Variants in DDIAS observed in about 807,000 individuals in gnomAD.
The protein encoded by DDIAS is DNA damage induced apoptosis suppressor, also known as DNA damage-induced apoptosis suppressor protein.
A neutral mutation model predicts 15.7 loss-of-function variants in DDIAS; 14 were observed. The observed-to-expected ratio is 0.89, with a 90% CI of 0.59 to 1.39. The LOEUF is 1.39. DDIAS is among the 40% of genes most tolerant of loss of function. DDIAS has a pLI of 0.00. For missense variants in DDIAS, 1,035 were observed against 1,130.9 expected, an observed-to-expected ratio of 0.92 and a Z score of 1.22; for synonymous variants, 355 against 395.9, an observed-to-expected ratio of 0.90 and a Z score of 1.23.
chr11:82,932,587 C>G lies in DDIAS; in HGVS notation c.1249C>G (p.Pro417Ala). 1 of 1,614,098 alleles carries G rather than the reference C, an allele frequency of 6.2e-7. No homozygotes were observed. Among genetic ancestry groups the G allele is most frequent in the Non-Finnish European group, 8.5e-7 (1 of 1,180,008 alleles). Residue 417 changes from proline (P) to alanine (A), a missense_variant, in exon 6 of 6, where the codon CCA becomes GCA. Transcript: ENST00000533655. ...TGACCCTCAAATTTGGGATGATCTG[C>G]CATTCTCTGAAAGCCTGAACAAGTT... Reference protein sequence around the residue: ...DGDPQIWDDLPFSESLNKFLA... With the variant: ...DGDPQIWDDLAFSESLNKFLA...
Position 82,933,136 on chromosome 11 carries a change from TATA to T in DDIAS, c.1801_1803del (p.Asn601del). 1 of 1,608,466 alleles carries T rather than the reference TATA, an allele frequency of 6.2e-7. No homozygotes were observed. The highest frequency in any genetic ancestry group is 2.2e-5 in the East Asian group (1 of 44,844). The stretch of plus-strand genomic sequence containing the variant: ...GTTGACAACTCTGTGTTATAGGAAG[TATA>T]ATGATGTCTCTGATCTTTGCAAATT... On this transcript the variant is annotated inframe_deletion, in exon 6 of 6. Coordinates refer to ENST00000533655, the MANE Select transcript of DDIAS (RefSeq NM_145018.4).
Position 82,931,656 on chromosome 11 carries a change from G to C in DDIAS, c.394-76G>C, listed in dbSNP as rs1860988376. 5.1e-6 allele frequency: 7 copies of C among 1,367,632 alleles called. 1 individual carries two copies. The African/African-American group carries it at 7.3e-5, about 14-fold the overall frequency. The allele number at this position is 1,367,632 out of a possible 1,614,324, so 84.7% of individuals were successfully genotyped here. The stretch of plus-strand genomic sequence containing the variant: ...TTACAGGCATGAGCCACTGTGCCTG[G>C]CTAAATTTCTGTTTCATGTTTAAGT... On this transcript the variant is annotated intron_variant, in intron 5 of 5. Transcript: ENST00000533655.
chr11:82,930,887 A>T (rs1216854692), intron 5 of DDIAS, among the ~76,000 whole-genome samples: 1 of 152,204 alleles, frequency 6.6e-6, no homozygotes. Context: ...AGAGTGAGAA[A>T]AATCCAAAGG....
intron 3 of DDIAS, among the ~76,000 whole-genome samples, chr11:82,917,803 C>T (rs1860660816): frequency 6.6e-6 from 1 of 152,204 alleles, no homozygotes; most frequent in Non-Finnish European, 1.5e-5. Context: ...TCCACACCAA[C>T]ATCTACTGGT....
chr11:82,930,676 G>A (rs1038924898), intron 5 of DDIAS, among the ~76,000 whole-genome samples: 1 of 151,770 alleles, frequency 6.6e-6, no homozygotes, highest in South Asian at 2.1e-4. Flanking sequence ...AGTATCTTGA[G>A]TATTGATAAG....
Position 82,934,566 on chromosome 11 carries a change from G to A in DDIAS, c.*231G>A, listed in dbSNP as rs2121380070. 2.6e-6 allele frequency: 1 copy of A among 390,920 alleles called. No homozygotes were observed. The highest frequency in any genetic ancestry group is 2.1e-5 in the African/African-American group (1 of 48,498). The allele number at this position is 390,920 out of a possible 1,614,324, so 24.2% of individuals were successfully genotyped here. A position where few individuals can be genotyped will look rare whatever the true frequency, so the allele number is the denominator to read the frequency against. On this transcript the variant is annotated 3_prime_UTR_variant, in exon 6 of 6. Transcript: ENST00000533655. ...AGCACTTTATCTTATACTGTTTATT[G>A]TACTTTAATAATATTGTTAAGATTG...
chr11:82,914,593 C>A, intron 2 of DDIAS, 130 bp from the exon 3 acceptor site: 2 of 517,762 alleles, frequency 3.9e-6, no homozygotes, highest in Non-Finnish European at 3.4e-6. Flanking sequence ...TTGATACCAC[C>A]TTCACTTTGA....
Position 82,932,061 on chromosome 11 carries a change from A to G in DDIAS, c.723A>G (p.Pro241=). 1.9e-6 allele frequency: 3 copies of G among 1,614,130 alleles called. No individual in the cohort carries two copies. The highest frequency in any genetic ancestry group is 1.7e-6 in the Non-Finnish European group (2 of 1,180,004). Residue 241 remains proline, a synonymous_variant, in exon 6 of 6, where the codon CCA becomes CCG. Transcript: ENST00000533655. ...SKDTFSKFWQ[P]SLEFTCIVSQ... ...ATACTTTTTCAAAATTCTGGCAGCC[A>G]TCACTTGAATTCACTTGCATTGTTT...
chr11:82,932,282 T>G lies in DDIAS; in HGVS notation c.944T>G (p.Leu315Arg). ...ACAGCAGAAAAGTTGGGTAAAGAACTTGGCTTACAAGCTAAGGAGCTGAGT... is the reference window on the plus strand; with the variant it reads ...ACAGCAGAAAAGTTGGGTAAAGAACGTGGCTTACAAGCTAAGGAGCTGAGT... Reference protein sequence around the residue: ...KSTAEKLGKELGLQAKELSAV... With the variant: ...KSTAEKLGKERGLQAKELSAV... Residue 315 changes from leucine (L) to arginine (R), a missense_variant, in exon 6 of 6, where the codon CTT (leucine) becomes CGT (arginine). Leu to Arg is a moderately radical substitution (Grantham distance 102, BLOSUM62 -2). Transcript: ENST00000533655. 5 of 1,613,846 alleles carry G rather than the reference T, an allele frequency of 3.1e-6. No individual in the cohort carries two copies. The highest frequency in any genetic ancestry group is 3.4e-6 in the Non-Finnish European group (4 of 1,179,784).
chr11:82,932,485 AG>A lies in DDIAS; in HGVS notation c.1148del (p.Ser383ThrfsTer40). On this transcript the variant is annotated frameshift_variant, in exon 6 of 6. Transcript: ENST00000533655. LOFTEE classifies it low-confidence loss of function (END_TRUNC). The stretch of plus-strand genomic sequence containing the variant: ...GCATCATGGTATAGATACCCCAACT[AG>A]CCTTCAGAAGAGATCTGCATGTTGT... ...FQHHGIDTPTSLQKRSACCPP... is the reference protein window; with the variant it reads ...FQHHGIDTPTXLQKRSACCPP... 6.2e-7 allele frequency: 1 copy of A among 1,614,216 alleles called. No individual in the cohort carries two copies. The highest frequency in any genetic ancestry group is 8.5e-7 in the Non-Finnish European group (1 of 1,180,038).
At chr11:82,912,178 A>T (rs1860540824) in intron 1 of DDIAS, among the ~76,000 whole-genome samples, 1 of 152,172 alleles carries the variant, frequency 6.6e-6, no homozygotes, top group Non-Finnish European at 1.5e-5. Context: ...TTCACCCCTA[A>T]CAAGAGAGTT....
intron 3 of DDIAS, among the ~76,000 whole-genome samples, chr11:82,926,986 TATC>T (rs570360976): frequency 4.9e-4 from 75 of 152,340 alleles, no homozygotes; most frequent in African/African-American, 1.7e-3. Context: ...ACTGTTATCA[TATC>T]ATAATATCAG....
chr11:82,914,798 T>C lies in DDIAS; in HGVS notation c.60T>C (p.Phe20=), dbSNP rs758176091. ...ASVLALQNSS[F]IYPSCQKCFS... ...TACTTGCTCTCCAGAATTCAAGTTTTATATATCCATCATGTCAGAAGTGCT... is the reference window on the plus strand; with the variant it reads ...TACTTGCTCTCCAGAATTCAAGTTTCATATATCCATCATGTCAGAAGTGCT... Residue 20 remains phenylalanine, a synonymous_variant, in exon 3 of 6, where the codon TTT becomes TTC. Transcript: ENST00000533655. 1.2e-6 allele frequency: 2 copies of C among 1,611,372 alleles called. No homozygotes were observed. The highest frequency in any genetic ancestry group is 4.5e-5 in the East Asian group (2 of 44,790).
intron 3 of DDIAS, among the ~76,000 whole-genome samples, chr11:82,922,087 C>T (rs560197778): frequency 3.3e-5 from 5 of 152,272 alleles, no homozygotes; most frequent in South Asian, 2.1e-4. Flanking sequence ...TGCTGTTAAT[C>T]GGATAGGTTT....
chr11:82,933,535 A>C lies in DDIAS; in HGVS notation c.2197A>C (p.Lys733Gln), dbSNP rs1248565543. 3 of 1,614,000 alleles carry C rather than the reference A, an allele frequency of 1.9e-6. No individual in the cohort carries two copies. The highest frequency in any genetic ancestry group is 2.7e-5 in the African/African-American group (2 of 74,926). The change falls in exon 6 of 6, where the codon AAA becomes CAA. Residue 733 changes from lysine (K) to glutamine (Q), a missense_variant. Lys to Gln is a moderately conservative substitution (Grantham distance 53). Transcript: ENST00000533655. Reference sequence around the variant, plus strand: ...TGAAGACTTCATCCAGCCTTCACAAAAATTATCCTTGCAAAGCCTATCTGA... The same window carrying C: ...TGAAGACTTCATCCAGCCTTCACAACAATTATCCTTGCAAAGCCTATCTGA... ...LSEDFIQPSQ[K>Q]LSLQSLSDSR...
intron 3 of DDIAS, among the ~76,000 whole-genome samples, chr11:82,928,233 C>T (rs546447612): frequency 9.7e-6 from 1 of 103,430 alleles, no homozygotes; most frequent in East Asian, 3.5e-4. Flanking sequence ...GAATGTCACT[C>T]TGCCCCCCAG....
chr11:82,933,262 C>T lies in DDIAS; in HGVS notation c.1924C>T (p.Pro642Ser). 1 of 1,612,596 alleles carries T rather than the reference C, an allele frequency of 6.2e-7. No homozygotes were observed. The highest frequency in any genetic ancestry group is 8.5e-7 in the Non-Finnish European group (1 of 1,179,648). ...TYPLETLCNS[P>S]NRSTNTLKEM... ...TCCTTTAGAAACTCTTTGCAATAGT[C>T]CAAATAGAAGTACAAATACATTGAA... is the stretch of plus-strand genomic sequence containing the variant. The change falls in exon 6 of 6, where the codon CCA (proline) becomes TCA (serine). Residue 642 changes from proline (P) to serine (S), a missense_variant. By Grantham distance (74) the Pro-to-Ser change is moderately conservative. Transcript: ENST00000533655.
At chr11:82,931,357 T>G (rs1860981025) in intron 5 of DDIAS, among the ~76,000 whole-genome samples, 1 of 152,122 alleles carries the variant, frequency 6.6e-6, no homozygotes, top group African/African-American at 2.4e-5. Flanking sequence ...TCTGTTTATT[T>G]TATTTTATTT....
In DDIAS at chr11:82,932,620, G is replaced by A; in HGVS notation, c.1282G>A (p.Val428Ile). 1.2e-6 allele frequency: 2 copies of A among 1,614,190 alleles called. No homozygotes were observed. Among genetic ancestry groups the A allele is most frequent in the Non-Finnish European group, 1.7e-6 (2 of 1,180,040 alleles). ...FSESLNKFLAVLESEIAVTQA... is the reference protein window; with the variant it reads ...FSESLNKFLAILESEIAVTQA... ...TGAAAGCCTGAACAAGTTTCTGGCA[G>A]TTCTTGAAAGTGAGATTGCTGTAAC... The change falls in exon 6 of 6, where the codon GTT becomes ATT. Residue 428 changes from valine to isoleucine, a missense_variant. Transcript: ENST00000533655.
Sources: allele counts gnomAD v4.1 joint callset (sites outside exome capture counted in the v4.1 genomes callset), GRCh38; gene constraint gnomAD v4.1.1; transcripts MANE v1.5; gene names NCBI Gene and HGNC (gene_info 2026-07-23, HGNC 2026-07-21).